The following NLGN1 variants were observed in gnomAD, a reference collection of about 807,000 sequenced individuals.
NLGN1 encodes the protein neuroligin-1.
NLGN1 carries 12 observed loss-of-function variants against 65.5 expected under a neutral mutation model. The ratio of observed to expected loss-of-function variants is 0.18; its 90% CI spans 0.12 to 0.30. NLGN1 has a LOEUF of 0.30. Among genes scored for constraint, NLGN1 ranks in the 10% least tolerant of loss-of-function variants. The probability of loss-of-function intolerance (pLI) is 1.00; values close to 1 mark genes in which losing one functional copy is unlikely to be tolerated. For synonymous variants in NLGN1, 350 were observed against 359.5 expected, an observed-to-expected ratio of 0.97 and a Z score of 0.30; for missense variants, 750 against 1,007.1, an observed-to-expected ratio of 0.74 and a Z score of 3.46.
chr3:173,669,809 A>G (rs1762221869), intron 3 of NLGN1, among the ~76,000 whole-genome samples: 1 of 152,210 alleles, frequency 6.6e-6, no homozygotes, highest in Non-Finnish European at 1.5e-5. Context: ...ATTGGTGCCA[A>G]TCAAAAACCA....
At chr3:173,491,702 C>T (rs1423057773) in intron 2 of NLGN1, among the ~76,000 whole-genome samples, 1 of 151,698 alleles carries the variant, frequency 6.6e-6, no homozygotes, top group Non-Finnish European at 1.5e-5. Context: ...CAATTATCCG[C>T]CATACATTTA....
At chr3:174,177,491 T>G (rs1729665345) in intron 4 of NLGN1, among the ~76,000 whole-genome samples, 1 of 152,074 alleles carries the variant, frequency 6.6e-6, no homozygotes, top group South Asian at 2.1e-4. Context: ...TTATTAGTTT[T>G]ACATTAAGTA....
At chr3:174,171,834 G>A (rs953300473) in intron 4 of NLGN1, among the ~76,000 whole-genome samples, 2 of 152,128 alleles carry the variant, frequency 1.3e-5, no homozygotes, top group African/African-American at 4.8e-5. Context: ...ACCTTGAGAA[G>A]CTCATGATTC....
chr3:174,148,780 T>C (rs1723810089), intron 4 of NLGN1, among the ~76,000 whole-genome samples: 1 of 152,186 alleles, frequency 6.6e-6, no homozygotes, highest in South Asian at 2.1e-4. Context: ...AATGTTTACT[T>C]AGCATTTACT....
At chr3:174,159,472 AT>A (rs1351545037) in intron 4 of NLGN1, among the ~76,000 whole-genome samples, 3 of 151,794 alleles carry the variant, frequency 2.0e-5, no homozygotes, top group African/African-American at 7.2e-5. Context: ...ATAAAATACA[AT>A]TTGCTCTGAT....
At chr3:173,937,723 G>A (rs994588135) in intron 4 of NLGN1, among the ~76,000 whole-genome samples, 1 of 152,028 alleles carries the variant, frequency 6.6e-6, no homozygotes, top group East Asian at 1.9e-4. Flanking sequence ...TAACATCTTT[G>A]CATTATATCT....
chr3:173,705,812 T>C (rs2149909144), intron 3 of NLGN1, among the ~76,000 whole-genome samples: 1 of 152,274 alleles, frequency 6.6e-6, no homozygotes, highest in African/African-American at 2.4e-5. Context: ...GCTTTGAACA[T>C]TTTGGTCACA....
intron 4 of NLGN1, among the ~76,000 whole-genome samples, chr3:174,073,563 A>G (rs560931379): frequency 6.6e-6 from 1 of 152,144 alleles, no homozygotes; most frequent in Non-Finnish European, 1.5e-5. Flanking sequence ...TTTTCCTTCT[A>G]AAAGTCTATA....
intron 4 of NLGN1, among the ~76,000 whole-genome samples, chr3:174,066,550 C>CTGTGTG (rs1418917292): frequency 4.4e-5 from 5 of 113,704 alleles, no homozygotes; most frequent in Admixed American, 1.7e-4. Context: ...CTCTCTCTCT[C>CTGTGTG]TCTCTCTCTC....
rs142474083 is a variant in NLGN1 at position 173,492,524 on chromosome 3, C to G, written c.-321+57446C>G. Among the ~76,000 whole-genome samples, 636 of 151,746 alleles carry G rather than the reference C, an allele frequency of 4.2e-3. 21 individuals are homozygous for G. The highest frequency in any genetic ancestry group is 0.015 in the African/African-American group (604 of 41,198). ...ATAATATTTGTTACAGTAGAATTTC[C>G]TATATATTTGGATATTTTCTAGGCA... On this transcript the variant is annotated intron_variant, in intron 2 of 6. Transcript: ENST00000457714.
At chr3:173,560,183 G>A (rs1053463853) in intron 2 of NLGN1, among the ~76,000 whole-genome samples, 32 of 152,018 alleles carry the variant, frequency 2.1e-4, no homozygotes, top group African/African-American at 7.7e-4. Flanking sequence ...CGCCCGCCTC[G>A]GCCTCCCAAA....
In NLGN1 at chr3:174,037,858, A is replaced by G. The variant is rs193087058; in HGVS notation, c.646+230026A>G. On this transcript the variant is annotated intron_variant, in intron 4 of 6. Coordinates refer to ENST00000457714, the Ensembl canonical transcript of NLGN1. ...TGGGTGGTAATTTAAACAATACAAA[A>G]TTACAATTGACGGTGTGGTGAAACA... Among the ~76,000 whole-genome samples the G allele has an allele frequency of 7.1e-3, 1,075 of 150,984 alleles. 9 individuals are homozygous for G. The highest frequency in any genetic ancestry group is 0.011 in the Admixed American group (168 of 15,104).
At chr3:173,549,096 G>T (rs1217204554) in intron 2 of NLGN1, among the ~76,000 whole-genome samples, 1 of 151,848 alleles carries the variant, frequency 6.6e-6, no homozygotes, top group African/African-American at 2.4e-5. Flanking sequence ...TTACGCATTG[G>T]TTTTTTAAAG....
At chr3:173,771,338 T>C (rs185887327) in intron 3 of NLGN1, among the ~76,000 whole-genome samples, 1 of 152,334 alleles carries the variant, frequency 6.6e-6, no homozygotes, top group Admixed American at 6.5e-5. Flanking sequence ...AACTGTATTA[T>C]TTTTGTGACT....
At chr3:174,140,156 T>C (rs1221394333) in intron 4 of NLGN1, among the ~76,000 whole-genome samples, 1 of 152,166 alleles carries the variant, frequency 6.6e-6, no homozygotes, top group African/African-American at 2.4e-5. Context: ...TTTGTAATAT[T>C]AGACAAGCAA....
intron 3 of NLGN1, among the ~76,000 whole-genome samples, chr3:173,770,275 A>G (rs1779387154): frequency 6.6e-6 from 1 of 152,160 alleles, no homozygotes; most frequent in Non-Finnish European, 1.5e-5. Context: ...ATGACCTATA[A>G]TAGGATAATT....
At chr3:173,918,396 G>C (rs547358459) in intron 4 of NLGN1, among the ~76,000 whole-genome samples, 1 of 152,026 alleles carries the variant, frequency 6.6e-6, no homozygotes, top group South Asian at 2.1e-4. Flanking sequence ...CAGCACTTTG[G>C]GGGGCCGAGG....
At chr3:173,399,224 A>T (rs961633392) in intron 1 of NLGN1, among the ~76,000 whole-genome samples, 6 of 152,220 alleles carry the variant, frequency 3.9e-5, no homozygotes, top group African/African-American at 1.2e-4. Context: ...TGGTTTGATT[A>T]AAAGAAGTAA....
chr3:173,789,208 G>A (rs1352450480), intron 3 of NLGN1, among the ~76,000 whole-genome samples: 3 of 150,620 alleles, frequency 2.0e-5, no homozygotes, highest in Admixed American at 6.6e-5. Context: ...AAAAAAAAAA[G>A]AAAGAGAGAG....
Sources: allele counts gnomAD v4.1 joint callset (sites outside exome capture counted in the v4.1 genomes callset), GRCh38; gene constraint gnomAD v4.1.1; transcripts MANE v1.5; gene names NCBI Gene and HGNC (gene_info 2026-07-23, HGNC 2026-07-21).